LRRC37A3: variants seen among roughly 807,000 people sequenced by gnomAD.
LRRC37A3 encodes the protein leucine-rich repeat-containing protein 37A3.
In LRRC37A3, 25 loss-of-function variants were observed where a neutral mutation model predicts 106.2. The observed-to-expected ratio is 0.24, with a 90% CI of 0.17 to 0.33. The LOEUF (loss-of-function observed/expected upper bound fraction) is 0.33. Among genes scored for constraint, LRRC37A3 ranks in the 10% least tolerant of loss-of-function variants. The pLI is 1.00. For synonymous variants in LRRC37A3, 305 were observed against 635.8 expected (o/e 0.48, Z 7.83); for missense variants, 712 against 1,644.9 (o/e 0.43, Z 9.81).
chr17:64,884,355 T>A (rs2143523425), intron 8 of LRRC37A3, among the ~76,000 whole-genome samples: 1 of 151,748 alleles, frequency 6.6e-6, no homozygotes, highest in South Asian at 2.1e-4. Context: ...ATGATTATTA[T>A]TATTATTATT....
intron 2 of LRRC37A3, among the ~76,000 whole-genome samples, chr17:64,918,188 T>TAA (rs558382874): frequency 4.1e-5 from 6 of 145,878 alleles, no homozygotes; most frequent in Admixed American, 6.9e-5. Flanking sequence ...ATATCTGATT[T>TAA]AAAAAAAAAA....
chr17:64,861,478 GC>G (rs894286855), intron 11 of LRRC37A3, among the ~76,000 whole-genome samples: 6 of 152,172 alleles, frequency 3.9e-5, no homozygotes, highest in African/African-American at 1.4e-4. Context: ...TAAAGTGGAG[GC>G]CCCCTCCCAT....
Position 64,860,806 on chromosome 17 carries a change from T to C in LRRC37A3, c.3340A>G (p.Ser1114Gly), listed in dbSNP as rs202109812. ...TAACTTAGTGTACTGGTAACATCAC[T>C]CTCGTCATTGGTGTCTAGCTGCTCA... Reference protein sequence around the residue: ...GSEQLDTNDESDVTSTLSYIL... With the variant: ...GSEQLDTNDEGDVTSTLSYIL... Residue 1114 changes from serine (S) to glycine (G), a missense_variant, in exon 12 of 15, where the codon AGT becomes GGT. Coordinates refer to ENST00000584306, the MANE Select transcript of LRRC37A3 (RefSeq NM_199340.5). 1 of 1,614,090 alleles carries C rather than the reference T, an allele frequency of 6.2e-7. No homozygotes were observed. The highest frequency in any genetic ancestry group is 1.3e-5 in the African/African-American group (1 of 74,916).
chr17:64,874,966 C>T lies in LRRC37A3; in HGVS notation c.2907-5800G>A, dbSNP rs1182082995. ...CAGGGACACAAACACTGTGGAAGGCCGCAGGGTCCTCTGCCTAGGAAAACC... is the reference window on the plus strand; with the variant it reads ...CAGGGACACAAACACTGTGGAAGGCTGCAGGGTCCTCTGCCTAGGAAAACC... On this transcript the variant is annotated intron_variant, in intron 8 of 14. Transcript: ENST00000584306. Among the ~76,000 whole-genome samples, 43 of 151,706 alleles carry T rather than the reference C, an allele frequency of 2.8e-4. 1 individual carries two copies. The highest frequency in any genetic ancestry group is 4.2e-4 in the South Asian group (2 of 4,808).
intron 10 of LRRC37A3, among the ~76,000 whole-genome samples, chr17:64,866,771 C>T (rs1210341381): frequency 7.1e-6 from 1 of 139,984 alleles, no homozygotes; most frequent in Non-Finnish European, 1.5e-5. Flanking sequence ...GCTGGGACTA[C>T]AGGCGTGTGC....
chr17:64,870,783 TTC>T (rs984105557), intron 8 of LRRC37A3, among the ~76,000 whole-genome samples: 1 of 151,986 alleles, frequency 6.6e-6, no homozygotes, highest in Non-Finnish European at 1.5e-5. Flanking sequence ...TTCTTTTTCT[TTC>T]TCTCTCTTTT....
chr17:64,857,089 T>G lies in LRRC37A3; in HGVS notation c.4810-1200A>C, dbSNP rs1972703850. On this transcript the variant is annotated intron_variant, in intron 13 of 14. Transcript: ENST00000584306. ...AAACTATCATTATTTGCATACTAAA[T>G]GATAAATGTTAGCCAAAGAAGCCTA... Among the ~76,000 whole-genome samples, 3 of 152,228 alleles carry G rather than the reference T, an allele frequency of 2.0e-5. No homozygotes were observed. The South Asian group carries it at 6.2e-4, about 31-fold the overall frequency.
chr17:64,865,301 A>C (rs573971915), intron 10 of LRRC37A3, among the ~76,000 whole-genome samples: 44 of 152,078 alleles, frequency 2.9e-4, no homozygotes, highest in African/African-American at 9.4e-4. Context: ...GTGCCACCAC[A>C]CCTGGCTAAT....
chr17:64,868,859 T>C (rs1198043995), intron 9 of LRRC37A3, among the ~76,000 whole-genome samples: 1 of 152,232 alleles, frequency 6.6e-6, no homozygotes, highest in Non-Finnish European at 1.5e-5. Flanking sequence ...TATTCCTCCA[T>C]GTGTCTACAT....
At chr17:64,866,615 TA>T (rs1973101272) in intron 10 of LRRC37A3, among the ~76,000 whole-genome samples, 9 of 24,010 alleles carry the variant, frequency 3.7e-4, no homozygotes, top group African/African-American at 1.7e-3. Flanking sequence ...TATATATATA[TA>T]TATATATATA....
intron 10 of LRRC37A3, among the ~76,000 whole-genome samples, chr17:64,867,477 T>A (rs1973153894): frequency 6.6e-6 from 1 of 152,178 alleles, no homozygotes; most frequent in Non-Finnish European, 1.5e-5. Context: ...CAGGACCCCC[T>A]GCAGATAGAT....
At chr17:64,875,741 A>G (rs1191229163) in intron 8 of LRRC37A3, among the ~76,000 whole-genome samples, 1 of 151,718 alleles carries the variant, frequency 6.6e-6, no homozygotes, top group Non-Finnish European at 1.5e-5. Context: ...GCGAGTAAAG[A>G]TTGTGCCACT....
At chr17:64,913,591 C>T (rs1598438519) in intron 2 of LRRC37A3, among the ~76,000 whole-genome samples, 4 of 151,920 alleles carry the variant, frequency 2.6e-5, no homozygotes, top group South Asian at 2.1e-4. Context: ...CCACCCGCCT[C>T]GGCCTCCCAA....
chr17:64,881,802 C>T (rs1341142868), intron 8 of LRRC37A3, among the ~76,000 whole-genome samples: 3 of 150,660 alleles, frequency 2.0e-5, no homozygotes, highest in African/African-American at 7.5e-5. Flanking sequence ...AGTGCCGGTG[C>T]TCAGCCATCA....
chr17:64,854,798 C>T (rs1972619055), intron 14 of LRRC37A3, among the ~76,000 whole-genome samples, 154 bp from the exon 15 acceptor site: 1 of 152,208 alleles, frequency 6.6e-6, no homozygotes, highest in Non-Finnish European at 1.5e-5. Context: ...ACTTCTTGTG[C>T]AGCTTCCATG....
Position 64,881,783 on chromosome 17 carries a change from G to T in LRRC37A3, c.2906+4303C>A, listed in dbSNP as rs371040237. ...GAGCACGTCTAGTGCCTAGCAATGC[G>T]CTGGACACAGTGCCGGTGCTCAGCC... On this transcript the variant is annotated intron_variant, in intron 8 of 14. Coordinates refer to ENST00000584306, the MANE Select transcript of LRRC37A3 (RefSeq NM_199340.5). Among the ~76,000 whole-genome samples, 11 of 151,092 alleles carry T rather than the reference G, an allele frequency of 7.3e-5. No individual in the cohort carries two copies. The South Asian group carries it at 2.1e-3, about 29-fold the overall frequency.
At chr17:64,871,023 C>T (rs1379932020) in intron 8 of LRRC37A3, among the ~76,000 whole-genome samples, 2 of 151,392 alleles carry the variant, frequency 1.3e-5, no homozygotes, top group African/African-American at 2.4e-5. Flanking sequence ...GCACGCACCA[C>T]CACGCCTGGC....
intron 8 of LRRC37A3, among the ~76,000 whole-genome samples, chr17:64,874,341 G>T (rs868484073): frequency 4.8e-5 from 7 of 146,146 alleles, no homozygotes; most frequent in African/African-American, 1.8e-4. Flanking sequence ...TGGCTGCCCC[G>T]TCTGAGACGT....
chr17:64,855,166 G>C lies in LRRC37A3; in HGVS notation c.4860-522C>G, dbSNP rs543484918. 2.0e-3 allele frequency among the ~76,000 whole-genome samples: 301 copies of C among 152,032 alleles called. 1 individual carries two copies. Among genetic ancestry groups the C allele is most frequent in the African/African-American group, 6.7e-3 (280 of 41,488 alleles). The stretch of plus-strand genomic sequence containing the variant: ...AGGTTTGCATAAAAGGAATAGAGTA[G>C]GGGCCCAAAAACCAGTAAGATGAGA... On this transcript the variant is annotated intron_variant, in intron 14 of 14. Transcript: ENST00000584306.
Sources: allele counts gnomAD v4.1 joint callset (sites outside exome capture counted in the v4.1 genomes callset), GRCh38; gene constraint gnomAD v4.1.1; transcripts MANE v1.5; gene names NCBI Gene and HGNC (gene_info 2026-07-23, HGNC 2026-07-21).